RUFY2: variants seen among roughly 807,000 people sequenced by gnomAD.
RUFY2 encodes the protein RUN and FYVE domain containing 2.
A neutral mutation model predicts 94.4 loss-of-function variants in RUFY2; 49 were observed. The observed-to-expected ratio is 0.52, with a 90% CI of 0.41 to 0.66. RUFY2 has a LOEUF of 0.66. Among genes scored for constraint, RUFY2 ranks in the 30% least tolerant of loss-of-function variants. The probability of loss-of-function intolerance (pLI) is 0.00; values close to 1 mark genes in which losing one functional copy is unlikely to be tolerated. For synonymous variants in RUFY2, 255 were observed against 235.7 expected (o/e 1.08, Z -0.75); for missense variants, 541 against 692.8 (o/e 0.78, Z 2.46).
chr10:68,396,169 T>C (rs2050379922), intron 4 of RUFY2, among the ~76,000 whole-genome samples: 1 of 152,050 alleles, frequency 6.6e-6, no homozygotes, highest in Non-Finnish European at 1.5e-5. Flanking sequence ...CAGCTAATTT[T>C]TGTGTTTTTA....
chr10:68,396,476 A>G (rs978738141), intron 4 of RUFY2, among the ~76,000 whole-genome samples: 1 of 152,226 alleles, frequency 6.6e-6, no homozygotes, highest in Admixed American at 6.5e-5. Context: ...ACAGAAATGT[A>G]TTATATACGG....
intron 12 of RUFY2, chr10:68,377,504 C>T: frequency 2.0e-6 from 2 of 985,100 alleles, no homozygotes; most frequent in South Asian, 4.7e-5. Context: ...CTAAATTATG[C>T]CGAAGCTCTG....
Position 68,404,852 on chromosome 10 carries a change from C to G in RUFY2, c.5-8G>C, listed in dbSNP as rs774835457. 1.2e-5 allele frequency: 19 copies of G among 1,534,716 alleles called. No homozygotes were observed. The South Asian group carries it at 2.3e-4, about 18-fold the overall frequency. ...CTGTGGGGTCTTTTGTAGCTGAAAA[C>G]ACAAGAAAGGAATCCAACATCATTT... On this transcript the variant is annotated splice_region_variant and splice_polypyrimidine_tract_variant and intron_variant, in intron 1 of 17. Transcript: ENST00000602465.
chr10:68,389,498 G>C (rs1042959122), intron 7 of RUFY2, among the ~76,000 whole-genome samples: 1 of 152,036 alleles, frequency 6.6e-6, no homozygotes, highest in Non-Finnish European at 1.5e-5. Context: ...CCTGAGGCAG[G>C]AGAATCACTT....
intron 13 of RUFY2, among the ~76,000 whole-genome samples, chr10:68,375,703 G>A (rs1389562519): frequency 6.7e-6 from 1 of 150,140 alleles, no homozygotes; most frequent in African/African-American, 2.5e-5. Context: ...GTGAACCCGG[G>A]AGGCGGAGCT....
At chr10:68,400,876 G>A (rs1051698040) in intron 3 of RUFY2, among the ~76,000 whole-genome samples, 2 of 151,974 alleles carry the variant, frequency 1.3e-5, no homozygotes, top group Non-Finnish European at 2.9e-5. Context: ...AGCCGGGCGT[G>A]GTGGCGGGCG....
chr10:68,383,986 C>G, intron 9 of RUFY2, 65 bp downstream of exon 9: 1 of 1,574,522 alleles, frequency 6.4e-7, no homozygotes, highest in Non-Finnish European at 8.7e-7. Flanking sequence ...CTACTTCATC[C>G]AAAAATCCCC....
intron 4 of RUFY2, 81 bp downstream of exon 4, chr10:68,396,699 A>G: frequency 1.2e-6 from 1 of 851,152 alleles, no homozygotes; most frequent in Non-Finnish European, 1.9e-6. Flanking sequence ...ATATCCTTTC[A>G]TATTACATCT....
chr10:68,391,729 G>C (rs2050005005), intron 7 of RUFY2, among the ~76,000 whole-genome samples: 1 of 150,642 alleles, frequency 6.6e-6, no homozygotes, highest in South Asian at 2.1e-4. Context: ...GGAGGCAGAG[G>C]CAAGTGGATC....
At chr10:68,406,988 G>C (rs1005829796) in intron 1 of RUFY2, 198 bp downstream of exon 1, 2 of 1,515,912 alleles carry the variant, frequency 1.3e-6, no homozygotes, top group African/African-American at 1.4e-5. Context: ...GAACGGGCCG[G>C]AACAAGGGAG....
At chr10:68,397,064 T>TG (rs1374006429) in intron 3 of RUFY2, among the ~76,000 whole-genome samples, 183 bp from the exon 4 acceptor site, 1 of 152,244 alleles carries the variant, frequency 6.6e-6, no homozygotes, top group African/African-American at 2.4e-5. Context: ...CTGTTCCTCC[T>TG]GTAGGACATC....
intron 3 of RUFY2, among the ~76,000 whole-genome samples, chr10:68,398,502 A>C (rs2050572789): frequency 6.6e-6 from 1 of 152,162 alleles, no homozygotes; most frequent in Non-Finnish European, 1.5e-5. Context: ...AAATACAAAA[A>C]TTAGCCAGGC....
At chr10:68,348,033 T>C (rs908324831) in intron 16 of RUFY2, among the ~76,000 whole-genome samples, 6 of 152,090 alleles carry the variant, frequency 3.9e-5, no homozygotes, top group Non-Finnish European at 8.8e-5. Context: ...AACTAGCACT[T>C]ATTATACAGC....
chr10:68,393,194 T>C lies in RUFY2; in HGVS notation c.594A>G (p.Gln198=), dbSNP rs769163837. ...EDIGNKERNV[Q]IAAILDQKNY... The stretch of plus-strand genomic sequence containing the variant: ...TCTTTTGGTCTAATATGGCAGCAAT[T>C]TGAACATTCCTAAATGAGGAAAAAA... The change falls in exon 7 of 18, where the codon CAA becomes CAG. Residue 198 remains glutamine, a synonymous_variant. Coordinates refer to ENST00000602465, the MANE Select transcript of RUFY2 (RefSeq NM_001330103.2). 1.0e-5 allele frequency: 16 copies of C among 1,557,306 alleles called. No homozygotes were observed. The East Asian group carries it at 1.4e-4, about 13-fold the overall frequency.
intron 7 of RUFY2, among the ~76,000 whole-genome samples, chr10:68,389,611 T>C (rs1295762386): frequency 6.6e-6 from 1 of 151,452 alleles, no homozygotes; most frequent in African/African-American, 2.4e-5. Context: ...AGAAAATTAT[T>C]TTGAACTGAA....
chr10:68,387,661 C>T (rs2049610248), intron 7 of RUFY2, among the ~76,000 whole-genome samples: 2 of 152,120 alleles, frequency 1.3e-5, no homozygotes, highest in South Asian at 2.1e-4. Flanking sequence ...GTCTAGGAGA[C>T]GTAAGACCAA....
intron 3 of RUFY2, among the ~76,000 whole-genome samples, chr10:68,400,566 C>T (rs2050749131): frequency 6.6e-6 from 1 of 151,620 alleles, no homozygotes; most frequent in Non-Finnish European, 1.5e-5. Context: ...ATCCCAGCTA[C>T]TCGGGAGGCT....
chr10:68,367,968 T>TA (rs1491041621), intron 13 of RUFY2, among the ~76,000 whole-genome samples: 2 of 114,726 alleles, frequency 1.7e-5, no homozygotes, highest in African/African-American at 7.1e-5. Context: ...GTGGGTTGTC[T>TA]TTTTTTTTTT....
At chr10:68,405,324 A>AAAAG in intron 1 of RUFY2, 1 of 320,690 alleles carries the variant, frequency 3.1e-6, no homozygotes, top group Non-Finnish European at 4.5e-6. Context: ...AAAAAAAAAA[A>AAAAG]AAAGAAAAAG....
Sources: allele counts gnomAD v4.1 joint callset (sites outside exome capture counted in the v4.1 genomes callset), GRCh38; gene constraint gnomAD v4.1.1; transcripts MANE v1.5; gene names NCBI Gene and HGNC (gene_info 2026-07-23, HGNC 2026-07-21).